The following TPP2 variants were observed in gnomAD, a reference collection of about 807,000 sequenced individuals.
TPP2 encodes the protein tripeptidyl-peptidase 2.
Under a neutral mutation model 155.9 loss-of-function variants are expected in TPP2, and 34 were observed. That is an observed-to-expected ratio of 0.22 (90% CI 0.17 to 0.29). TPP2 has a LOEUF of 0.29. TPP2 is among the 10% of genes least tolerant of loss of function. The pLI is 1.00. For missense variants in TPP2, 1,028 were observed against 1,522.3 expected (o/e 0.68, Z 5.40); for synonymous variants, 510 against 529.4 (o/e 0.96, Z 0.50).
At chr13:102,649,986 T>A (rs1883378710) in intron 23 of TPP2, among the ~76,000 whole-genome samples, 2 of 152,166 alleles carry the variant, frequency 1.3e-5, no homozygotes, top group African/African-American at 4.8e-5. Flanking sequence ...CTCATTGGAA[T>A]TTCACATGGT....
chr13:102,610,172 G>A (rs1880171377), intron 2 of TPP2, among the ~76,000 whole-genome samples: 1 of 152,120 alleles, frequency 6.6e-6, no homozygotes, highest in Non-Finnish European at 1.5e-5. Context: ...TCAGAAAGCA[G>A]CACAATGAAG....
chr13:102,661,282 T>C (rs1595206374), intron 25 of TPP2, among the ~76,000 whole-genome samples: 1 of 144,948 alleles, frequency 6.9e-6, no homozygotes, highest in African/African-American at 2.6e-5. Context: ...ACAGGGTCTC[T>C]CTCTGTCACC....
chr13:102,607,922 G>A (rs376098005), intron 2 of TPP2: 1 of 179,200 alleles, frequency 5.6e-6, no homozygotes, highest in South Asian at 8.9e-5. Context: ...CAGTAATCCC[G>A]GCTTTAGATA....
At position 102,663,032 on chromosome 13, in the gene TPP2, T is replaced by A. The variant is rs1595209259; in HGVS notation, c.3144-616T>A. Among the ~76,000 whole-genome samples, 2 of 152,056 alleles carry A rather than the reference T, an allele frequency of 1.3e-5. 1 individual carries two copies. ...TGCTTTTCTTCCTTTTAAATAAATA[T>A]AATAGCTGGTATGTAAGAAAGCTAT... On this transcript the variant is annotated intron_variant, in intron 25 of 29. Coordinates refer to ENST00000376052, the MANE Select transcript of TPP2 (RefSeq NM_001330588.2).
chr13:102,636,346 T>C lies in TPP2; in HGVS notation c.1632T>C (p.Pro544=). 1 of 1,613,742 alleles carries C rather than the reference T, an allele frequency of 6.2e-7. No homozygotes were observed. The change falls in exon 13 of 30, where the codon CCT becomes CCC. Residue 544 remains proline, a synonymous_variant. Transcript: ENST00000376052. ...GAGATCCTGTTCAGGTGGCTGCACC[T>C]TCAGATCATGGCGTTGGCATTGAAC... is the stretch of plus-strand genomic sequence containing the variant. ...YLRDPVQVAA[P]SDHGVGIEPV...
chr13:102,663,230 C>T (rs909908538), intron 25 of TPP2, among the ~76,000 whole-genome samples: 1 of 152,080 alleles, frequency 6.6e-6, no homozygotes, highest in Admixed American at 6.6e-5. Context: ...TCACTGCAAC[C>T]TCTGCCTCCC....
At chr13:102,608,720 C>T (rs1056030516) in intron 2 of TPP2, among the ~76,000 whole-genome samples, 4 of 151,894 alleles carry the variant, frequency 2.6e-5, no homozygotes. Context: ...CCTCCCCTTC[C>T]TCCTGTTCTC....
intron 28 of TPP2, 92 bp downstream of exon 28, chr13:102,674,582 T>G (rs765911877): frequency 1.6e-6 from 2 of 1,287,644 alleles, no homozygotes; most frequent in Non-Finnish European, 2.2e-6. Flanking sequence ...AGGAAGAAGA[T>G]AAATGGAAAG....
intron 5 of TPP2, among the ~76,000 whole-genome samples, chr13:102,619,890 C>CT (rs1881028452): frequency 6.6e-6 from 1 of 152,166 alleles, no homozygotes; most frequent in Non-Finnish European, 1.5e-5. Context: ...CATCCACCAT[C>CT]TGGGGTAACA....
intron 15 of TPP2, among the ~76,000 whole-genome samples, chr13:102,639,031 C>G (rs1452913086): frequency 6.6e-6 from 1 of 152,190 alleles, no homozygotes; most frequent in African/African-American, 2.4e-5. Context: ...AATTTCCTGT[C>G]TCTTCAGTTA....
chr13:102,616,283 T>G, intron 3 of TPP2, 113 bp from the exon 4 acceptor site: 2 of 802,648 alleles, frequency 2.5e-6, no homozygotes. Context: ...AACCTCTCTA[T>G]GAGAATTGTG....
Position 102,622,895 on chromosome 13 carries a change from T to C in TPP2, c.639T>C (p.Asn213=). The C allele has an allele frequency of 6.2e-7, 1 of 1,611,566 alleles. No homozygotes were observed. The highest frequency in any genetic ancestry group is 8.5e-7 in the Non-Finnish European group (1 of 1,179,342). The change falls in exon 6 of 30, where the codon AAT becomes AAC. Residue 213 remains asparagine (N), a synonymous_variant. Transcript: ENST00000376052. Reference sequence around the variant, plus strand: ...TTAATAGAGCCTGCATTGATTCTAATGAAGATGGGGACTTGAGTAAATCTA... The same window carrying C: ...TTAATAGAGCCTGCATTGATTCTAACGAAGATGGGGACTTGAGTAAATCTA... The part of the protein sequence containing the change: ...GEVWRACIDS[N]EDGDLSKSTV...
intron 22 of TPP2, 59 bp downstream of exon 22, chr13:102,649,210 G>A (rs1883339057): frequency 6.5e-7 from 1 of 1,528,042 alleles, no homozygotes; most frequent in African/African-American, 1.4e-5. Flanking sequence ...TCCTTTTAAT[G>A]TCAGTTTATG....
At position 102,651,376 on chromosome 13, in the gene TPP2, A is replaced by AC. The variant is rs1566358162; in HGVS notation, c.2971dup (p.Arg991ProfsTer6). ...ACTCCCAGGGGCAGTCTGCAGCAAA[A>AC]CGACAAGGAAAATTTAAAAAGGTAC... On this transcript the variant is annotated frameshift_variant, in exon 24 of 30. Coordinates refer to ENST00000376052, the MANE Select transcript of TPP2 (RefSeq NM_001330588.2). LOFTEE classifies it high-confidence loss of function. The AC allele has an allele frequency of 1.3e-6, 2 of 1,583,478 alleles. No individual in the cohort carries two copies. Among genetic ancestry groups the AC allele is most frequent in the East Asian group, 4.6e-5 (2 of 43,908 alleles).
chr13:102,667,047 G>C (rs1326464056), intron 27 of TPP2, among the ~76,000 whole-genome samples: 1 of 151,966 alleles, frequency 6.6e-6, no homozygotes, highest in Non-Finnish European at 1.5e-5. Context: ...ATTCAGAGTT[G>C]AAATATTATA....
At position 102,602,065 on chromosome 13, in the gene TPP2, A is replaced by G. The variant is rs151330976; in HGVS notation, c.166-2728A>G. Among the ~76,000 whole-genome samples, 461 of 152,288 alleles carry G rather than the reference A, an allele frequency of 3.0e-3. 2 individuals carry two copies. Among genetic ancestry groups the G allele is most frequent in the African/African-American group, 0.01 (433 of 41,546 alleles). ...TGCTCTCTTGTTATTCTTGATCTCA[A>G]GTCACTCAGGTTTGCTTATTGAGGT... On this transcript the variant is annotated intron_variant, in intron 1 of 29. Coordinates refer to ENST00000376052, the MANE Select transcript of TPP2 (RefSeq NM_001330588.2).
At position 102,617,784 on chromosome 13, in the gene TPP2, A is replaced by G. The variant is rs190483899; in HGVS notation, c.496-938A>G. 3.0e-4 allele frequency among the ~76,000 whole-genome samples: 46 copies of G among 152,322 alleles called. 1 individual carries two copies. The highest frequency in any genetic ancestry group is 2.9e-5 in the Non-Finnish European group (2 of 68,030). ...AAATTGCCAAATAGTAAATATTTTT[A>G]GTACTCTCTTATGACTGCTCAACAC... On this transcript the variant is annotated intron_variant, in intron 4 of 29. Coordinates refer to ENST00000376052, the MANE Select transcript of TPP2 (RefSeq NM_001330588.2).
At chr13:102,652,149 G>A (rs1188151152) in intron 24 of TPP2, among the ~76,000 whole-genome samples, 7 of 152,094 alleles carry the variant, frequency 4.6e-5, no homozygotes, top group Non-Finnish European at 1.0e-4. Flanking sequence ...GGCAAGTTGG[G>A]CAGATCCCTT....
chr13:102,664,184 A>T (rs369852612), intron 26 of TPP2, among the ~76,000 whole-genome samples: 18 of 152,326 alleles, frequency 1.2e-4, no homozygotes, highest in Middle Eastern at 3.4e-3. Context: ...AAGCAGTGGG[A>T]AAGTGCTGTC....
Sources: gnomAD v4.1 joint callset for allele counts (sites outside exome capture counted in the v4.1 genomes callset) on GRCh38, gnomAD v4.1.1 for gene constraint, MANE v1.5 for transcripts, NCBI Gene and HGNC (gene_info 2026-07-23, HGNC 2026-07-21) for gene names.